Variants in SAMMSON observed in about 807,000 individuals in gnomAD.
The protein encoded by SAMMSON is survival associated mitochondrial melanoma specific oncogenic non-coding RNA, also known as long intergenic non-protein coding RNA 1212.
intron 4 of SAMMSON, among the ~76,000 whole-genome samples, chr3:70,192,652 T>G (rs1205724991): frequency 2.6e-5 from 4 of 152,212 alleles, no homozygotes; most frequent in African/African-American, 9.6e-5. Flanking sequence ...TCTTTAGAAC[T>G]AGCGTTGCCA....
intron 4 of SAMMSON, among the ~76,000 whole-genome samples, chr3:70,102,859 T>G (rs1440884623): frequency 6.6e-6 from 1 of 152,192 alleles, no homozygotes; most frequent in Non-Finnish European, 1.5e-5. Flanking sequence ...GCTCTTTGCT[T>G]TGGCCCAGCC....
intron 4 of SAMMSON, among the ~76,000 whole-genome samples, chr3:70,151,423 T>A (rs1167987752): frequency 6.6e-6 from 1 of 152,040 alleles, no homozygotes; most frequent in Non-Finnish European, 1.5e-5. Context: ...GCTCTATTAT[T>A]ATGAGTTACA....
chr3:70,212,304 T>G (rs767556545), intron 4 of SAMMSON, among the ~76,000 whole-genome samples: 1 of 152,156 alleles, frequency 6.6e-6, no homozygotes, highest in Non-Finnish European at 1.5e-5. Flanking sequence ...TGTGGGTAAC[T>G]AGCGAAATCC....
chr3:70,035,672 G>C (rs1357639124), intron 3 of SAMMSON, among the ~76,000 whole-genome samples: 2 of 152,106 alleles, frequency 1.3e-5, no homozygotes, highest in Non-Finnish European at 1.5e-5. Context: ...CTATTCTGCT[G>C]ATTCTGCATT....
intron 3 of SAMMSON, among the ~76,000 whole-genome samples, chr3:70,063,395 A>G (rs1233652321): frequency 1.1e-4 from 16 of 151,982 alleles, no homozygotes; most frequent in Admixed American, 2.6e-4. Flanking sequence ...CTCCAACCCC[A>G]TTGGATTCCT....
downstream of SAMMSON, chr3:70,389,909 G>T (rs957859739): frequency 6.6e-6 from 1 of 152,250 alleles, no homozygotes; most frequent in East Asian, 1.9e-4. Flanking sequence ...AAAGAAATTG[G>T]AGACAATGAG....
chr3:70,121,588 C>T (rs1489911349), intron 4 of SAMMSON, among the ~76,000 whole-genome samples: 6 of 152,140 alleles, frequency 3.9e-5, no homozygotes, highest in South Asian at 2.1e-4. Flanking sequence ...CCTTTATAGT[C>T]GAGCATGGTT....
intron 9 of SAMMSON, among the ~76,000 whole-genome samples, chr3:70,376,134 T>C (rs1230974049): frequency 6.6e-6 from 1 of 152,202 alleles, no homozygotes; most frequent in Admixed American, 6.5e-5. Flanking sequence ...AGAAGATACA[T>C]ATTGTAAGAT....
At chr3:70,168,106 T>C (rs964607174) in intron 4 of SAMMSON, among the ~76,000 whole-genome samples, 1 of 151,656 alleles carries the variant, frequency 6.6e-6, no homozygotes. Flanking sequence ...GGACAAAGAG[T>C]GGTTCTCCTC....
intron 4 of SAMMSON, among the ~76,000 whole-genome samples, chr3:70,140,796 G>T (rs189828150): frequency 6.6e-6 from 1 of 152,226 alleles, no homozygotes; most frequent in African/African-American, 2.4e-5. Context: ...AATGAGAATT[G>T]CCTTTCTTCC....
chr3:70,227,791 G>A (rs145473539), intron 4 of SAMMSON, among the ~76,000 whole-genome samples: 5 of 152,240 alleles, frequency 3.3e-5, no homozygotes, highest in African/African-American at 2.4e-5. Flanking sequence ...CAAATGAGGA[G>A]GCTGAGGCAC....
At chr3:70,251,368 G>A (rs1701766320) in intron 6 of SAMMSON, among the ~76,000 whole-genome samples, 1 of 152,058 alleles carries the variant, frequency 6.6e-6, no homozygotes, top group African/African-American at 2.4e-5. Context: ...CATAATAGGG[G>A]GACTATCTGA....
chr3:70,421,145 T>C (rs1176745966), intron 2 of SAMMSON, among the ~76,000 whole-genome samples: 1 of 152,162 alleles, frequency 6.6e-6, no homozygotes. Context: ...CAAAGTTACT[T>C]GCTCAGTTAC....
At chr3:70,311,486 C>T (rs1702452933) in intron 7 of SAMMSON, among the ~76,000 whole-genome samples, 3 of 152,156 alleles carry the variant, frequency 2.0e-5, no homozygotes, top group African/African-American at 7.2e-5. Context: ...TATTTGTAGA[C>T]ATATTTTCCT....
chr3:70,266,379 A>G (rs1701917237), intron 6 of SAMMSON, among the ~76,000 whole-genome samples: 1 of 151,916 alleles, frequency 6.6e-6, no homozygotes, highest in African/African-American at 2.4e-5. Flanking sequence ...TAACTGCTTC[A>G]CTTCTCTACT....
intron 4 of SAMMSON, among the ~76,000 whole-genome samples, chr3:70,193,250 A>G (rs1701145240): frequency 6.6e-6 from 1 of 151,972 alleles, no homozygotes; most frequent in South Asian, 2.1e-4. Context: ...AGCAATTCAG[A>G]CCTCTGTTGG....
intron 4 of SAMMSON, among the ~76,000 whole-genome samples, chr3:70,179,100 G>A (rs1419931974): frequency 6.6e-6 from 1 of 152,116 alleles, no homozygotes; most frequent in South Asian, 2.1e-4. Context: ...CATGAGAGAG[G>A]CAAGATAATT....
intron 1 of SAMMSON, among the ~76,000 whole-genome samples, chr3:70,010,466 G>T (rs2066949166): frequency 6.6e-6 from 1 of 152,062 alleles, no homozygotes; most frequent in South Asian, 2.1e-4. Flanking sequence ...TGCAACCTCT[G>T]CCTGTTTTTG....
At chr3:70,424,231 T>C (rs1349771249) in intron 2 of SAMMSON, among the ~76,000 whole-genome samples, 1 of 152,220 alleles carries the variant, frequency 6.6e-6, no homozygotes, top group East Asian at 1.9e-4. Flanking sequence ...TCTTGATTCA[T>C]ATTAATTTCT....
Sources: allele counts gnomAD v4.1 joint callset (sites outside exome capture counted in the v4.1 genomes callset), GRCh38; gene constraint gnomAD v4.1.1; transcripts MANE v1.5; gene names NCBI Gene and HGNC (gene_info 2026-07-23, HGNC 2026-07-21).